The following ASH1L variants were observed in gnomAD, a reference collection of about 807,000 sequenced individuals.
ASH1L encodes histone-lysine N-methyltransferase ASH1L.
Under a neutral mutation model 269.0 loss-of-function variants are expected in ASH1L, and 23 were observed. The observed-to-expected ratio is 0.09, with a 90% CI of 0.06 to 0.12. ASH1L has a LOEUF of 0.12. ASH1L is among the 10% of genes least tolerant of loss of function. ASH1L has a pLI of 1.00. For missense variants in ASH1L, 2,912 were observed against 3,567.8 expected, an observed-to-expected ratio of 0.82 and a Z score of 4.68; for synonymous variants, 1,187 against 1,253.5, an observed-to-expected ratio of 0.95 and a Z score of 1.12.
At chr1:155,413,996 C>T (rs1042534719) in intron 6 of ASH1L, among the ~76,000 whole-genome samples, 32 of 152,082 alleles carry the variant, frequency 2.1e-4, no homozygotes, top group Non-Finnish European at 1.5e-5. Flanking sequence ...TGATATCTAC[C>T]TCAGTGACAA....
chr1:155,416,067 C>G, intron 5 of ASH1L, 144 bp from the exon 6 acceptor site: 1 of 577,308 alleles, frequency 1.7e-6, no homozygotes. Context: ...ATAACTGGTA[C>G]CAGACTTCTC....
At chr1:155,395,768 G>A (rs555722196) in intron 6 of ASH1L, among the ~76,000 whole-genome samples, 63 of 152,258 alleles carry the variant, frequency 4.1e-4, no homozygotes, top group African/African-American at 1.4e-3. Flanking sequence ...GGAAGCTGAG[G>A]TGGAAGGACT....
intron 4 of ASH1L, among the ~76,000 whole-genome samples, chr1:155,455,274 A>C (rs758310776): frequency 1.2e-4 from 19 of 152,206 alleles, no homozygotes; most frequent in Non-Finnish European, 2.4e-4. Flanking sequence ...ACCTAATAAG[A>C]TATTAAAAAC....
At chr1:155,527,866 G>A (rs747120474) in intron 1 of ASH1L, among the ~76,000 whole-genome samples, 1 of 151,950 alleles carries the variant, frequency 6.6e-6, no homozygotes, top group African/African-American at 2.4e-5. Flanking sequence ...TCTCTTGATT[G>A]TTCTTCCTCA....
chr1:155,491,674 T>C (rs1324789953), intron 2 of ASH1L, among the ~76,000 whole-genome samples: 1 of 152,042 alleles, frequency 6.6e-6, no homozygotes, highest in Non-Finnish European at 1.5e-5. Context: ...GTTTTTTCTC[T>C]CTCTCATTTT....
chr1:155,519,419 A>G (rs1668716869), intron 2 of ASH1L, among the ~76,000 whole-genome samples: 1 of 151,586 alleles, frequency 6.6e-6, no homozygotes, highest in African/African-American at 2.4e-5. Flanking sequence ...CTGGGCAACA[A>G]GAGTGAAACT....
intron 2 of ASH1L, among the ~76,000 whole-genome samples, chr1:155,508,000 GA>G (rs1235681395): frequency 6.8e-6 from 1 of 147,976 alleles, no homozygotes; most frequent in Non-Finnish European, 1.5e-5. Flanking sequence ...TTGTATACTT[GA>G]CTTTTTTTTT....
Position 155,357,354 on chromosome 1 carries a change from G to C in ASH1L, c.7017C>G (p.Thr2339=), listed in dbSNP as rs1233978090. Residue 2339 remains threonine (T), a synonymous_variant, in exon 15 of 28, where the codon ACC becomes ACG. Transcript: ENST00000392403. The stretch of plus-strand genomic sequence containing the variant: ...ACATTGGCTTCATCTGTAATTGGGG[G>C]GTCAATCTAGTTGGGGTGTTGATAT... ...SENINTPTRL[T]PQLQMKPMSN... 1 of 1,613,656 alleles carries C rather than the reference G, an allele frequency of 6.2e-7. No individual in the cohort carries two copies. Among genetic ancestry groups the C allele is most frequent in the Non-Finnish European group, 8.5e-7 (1 of 1,179,926 alleles).
chr1:155,433,706 G>T, intron 5 of ASH1L: 1 of 1,600,446 alleles, frequency 6.2e-7, no homozygotes, highest in African/African-American at 1.3e-5. Flanking sequence ...GGTTCTATTT[G>T]GGAAGGTGTT....
rs1212652502 is a variant in ASH1L at position 155,352,695 on chromosome 1, GT to G, written c.7366+10del. On this transcript the variant is annotated intron_variant, in intron 17 of 27. Coordinates refer to ENST00000392403, the MANE Select transcript of ASH1L (RefSeq NM_018489.3). The stretch of plus-strand genomic sequence containing the variant: ...GAAAAAAAGAACGAATTTGAAGGTG[GT>G]TATAGTCACCTTTATAAGAGATGAT... 6.4e-7 allele frequency: 1 copy of G among 1,573,598 alleles called. No individual in the cohort carries two copies. Among genetic ancestry groups the G allele is most frequent in the Non-Finnish European group, 8.6e-7 (1 of 1,165,038 alleles).
intron 1 of ASH1L, among the ~76,000 whole-genome samples, chr1:155,525,992 T>G (rs1669225441): frequency 1.3e-5 from 2 of 152,182 alleles, no homozygotes; most frequent in African/African-American, 4.8e-5. Context: ...ACTTTAAAAT[T>G]TTGTATAATT....
Position 155,395,547 on chromosome 1 carries a change from C to G in ASH1L, c.6015G>C (p.Lys2005Asn). ...CTTTCTTTAATTGGATCAATCGACT[C>G]TTTGGGCTGTGATAAAAAAAGAATG... The part of the protein sequence containing the change: ...YSDVYKTTDP[K>N]SRLIQLKKEK... The change falls in exon 7 of 28, where the codon AAG (lysine) becomes AAC (asparagine). Residue 2005 changes from lysine (K) to asparagine (N), a missense_variant. By Grantham distance (94) the Lys-to-Asn change is moderately conservative (BLOSUM62 0). Coordinates refer to ENST00000392403, the MANE Select transcript of ASH1L (RefSeq NM_018489.3). 6.2e-7 allele frequency: 1 copy of G among 1,605,324 alleles called. No individual in the cohort carries two copies. Among genetic ancestry groups the G allele is most frequent in the Non-Finnish European group, 8.5e-7 (1 of 1,177,428 alleles).
intron 1 of ASH1L, among the ~76,000 whole-genome samples, chr1:155,535,233 A>AC (rs1180523762): frequency 3.6e-5 from 5 of 140,720 alleles, no homozygotes; most frequent in Non-Finnish European, 7.8e-5. Context: ...TTATCTGAGG[A>AC]TTTTTTTTTT....
chr1:155,338,430 G>C, intron 26 of ASH1L, 40 bp from the exon 27 acceptor site: 1 of 1,576,656 alleles, frequency 6.3e-7, no homozygotes, highest in Non-Finnish European at 8.6e-7. Flanking sequence ...AGACACTTGA[G>C]GAGGAAAAGG....
rs1479978539 is a variant in ASH1L, at chr1:155,336,196, T to C, written c.*1464A>G. The C allele has an allele frequency of 6.6e-6, 1 of 152,492 alleles. No individual in the cohort carries two copies. The highest frequency in any genetic ancestry group is 1.5e-5 in the Non-Finnish European group (1 of 67,984). The allele number at this position is 152,492 out of a possible 1,614,324, so 9.4% of individuals were successfully genotyped here. ...AAAAAATATTTAATGGAATGGAAGG[T>C]GGTCAATGTGTCTACCTAAACGAGT... is the stretch of plus-strand genomic sequence containing the variant. On this transcript the variant is annotated 3_prime_UTR_variant, in exon 28 of 28. Transcript: ENST00000392403.
chr1:155,548,758 C>T (rs190538553), intron 1 of ASH1L, among the ~76,000 whole-genome samples: 224 of 152,326 alleles, frequency 1.5e-3, no homozygotes, highest in Middle Eastern at 3.4e-3. Context: ...CACTCACTCT[C>T]TGGGTAATTT....
intron 6 of ASH1L, among the ~76,000 whole-genome samples, chr1:155,415,282 TGAGG>T (rs923957916): frequency 6.8e-6 from 1 of 147,744 alleles, no homozygotes; most frequent in African/African-American, 2.5e-5. Context: ...CTCGGGAGGC[TGAGG>T]TAGGAGAATG....
rs560712515 is a variant in ASH1L at position 155,377,568 on chromosome 1, A to C, written c.6332+713T>G. Reference sequence around the variant, plus strand: ...AACACAGTGAGACCCTATCTCTAAAAAAAACAAAACAAAACAAAACAAAAA... The same window carrying C: ...AACACAGTGAGACCCTATCTCTAAACAAAACAAAACAAAACAAAACAAAAA... On this transcript the variant is annotated intron_variant, in intron 10 of 27. Transcript: ENST00000392403. Among the ~76,000 whole-genome samples the C allele has an allele frequency of 1.8e-3, 279 of 151,972 alleles. 2 individuals are homozygous for C. The highest frequency in any genetic ancestry group is 6.8e-3 in the Middle Eastern group (2 of 294).
At chr1:155,533,013 G>A (rs1438491762) in intron 1 of ASH1L, among the ~76,000 whole-genome samples, 1 of 150,358 alleles carries the variant, frequency 6.7e-6, no homozygotes, top group African/African-American at 2.5e-5. Flanking sequence ...GCGAAGGTCT[G>A]GTCTGAGATA....
Sources: gnomAD v4.1 joint callset for allele counts (sites outside exome capture counted in the v4.1 genomes callset) on GRCh38, gnomAD v4.1.1 for gene constraint, MANE v1.5 for transcripts, NCBI Gene and HGNC (gene_info 2026-07-23, HGNC 2026-07-21) for gene names.